VPS8: variants seen among roughly 807,000 people sequenced by gnomAD.
The protein encoded by VPS8 is VPS8 subunit of CORVET complex.
A neutral mutation model predicts 216.4 loss-of-function variants in VPS8; 129 were observed. The ratio of observed to expected loss-of-function variants is 0.60; its 90% confidence interval spans 0.52 to 0.69. The LOEUF (loss-of-function observed/expected upper bound fraction) is 0.69. Ranked by LOEUF, VPS8 falls within the 30% of genes least tolerant of loss-of-function variation. The probability of loss-of-function intolerance (pLI) is 0.00; values close to 1 mark genes in which losing one functional copy is unlikely to be tolerated. For synonymous variants in VPS8, 571 were observed against 565.4 expected (o/e 1.01, Z -0.14); for missense variants, 1,531 against 1,683.5 (o/e 0.91, Z 1.59).
intron 2 of VPS8, 152 bp downstream of exon 2, chr3:184,824,937 A>C: frequency 4.3e-6 from 3 of 696,200 alleles, no homozygotes; most frequent in East Asian, 2.9e-5. Context: ...ACAGGGTCTC[A>C]CTCTGTTGTC....
At chr3:185,047,266 A>G (rs532615800) in intron 46 of VPS8, among the ~76,000 whole-genome samples, 2 of 152,360 alleles carry the variant, frequency 1.3e-5, no homozygotes, top group East Asian at 3.9e-4. Flanking sequence ...GAACTTGCAG[A>G]GTCCCGTGCA....
intron 5 of VPS8, among the ~76,000 whole-genome samples, chr3:184,837,338 A>G (rs1721289498): frequency 1.3e-5 from 2 of 152,232 alleles, no homozygotes; most frequent in Admixed American, 1.3e-4. Flanking sequence ...TTAATGAAGA[A>G]AAAACAATTG....
chr3:185,027,189 G>T (rs1012931101), intron 46 of VPS8, among the ~76,000 whole-genome samples: 1 of 151,024 alleles, frequency 6.6e-6, no homozygotes, highest in Non-Finnish European at 1.5e-5. Flanking sequence ...CCAAGGAAAG[G>T]CCCTATTTTG....
intron 47 of VPS8, among the ~76,000 whole-genome samples, chr3:185,049,287 G>A (rs561620208): frequency 6.6e-6 from 1 of 152,294 alleles, no homozygotes; most frequent in South Asian, 2.1e-4. Context: ...CAGACCGGGT[G>A]TCCCCCAGGC....
intron 47 of VPS8, among the ~76,000 whole-genome samples, chr3:185,051,435 A>G (rs1373110257): frequency 6.6e-6 from 1 of 152,004 alleles, no homozygotes; most frequent in Non-Finnish European, 1.5e-5. Context: ...ATAATTAGTC[A>G]TTCACCCCGA....
chr3:184,952,591 A>G (rs1744905249), intron 36 of VPS8, among the ~76,000 whole-genome samples: 1 of 152,214 alleles, frequency 6.6e-6, no homozygotes, highest in African/African-American at 2.4e-5. Flanking sequence ...GTAGCTAAGT[A>G]TATATATTCA....
At chr3:185,023,783 C>G (rs1756979954) in intron 45 of VPS8, among the ~76,000 whole-genome samples, 1 of 152,162 alleles carries the variant, frequency 6.6e-6, no homozygotes, top group Non-Finnish European at 1.5e-5. Flanking sequence ...AGCATGTAGT[C>G]AGGTCTTTTT....
intron 36 of VPS8, among the ~76,000 whole-genome samples, chr3:184,942,020 A>G (rs1742792911): frequency 6.6e-6 from 1 of 152,086 alleles, no homozygotes; most frequent in Admixed American, 6.5e-5. Context: ...TATGTCTTAT[A>G]TAGGAGGTAG....
intron 1 of VPS8, among the ~76,000 whole-genome samples, chr3:184,821,835 A>G (rs1232938570): frequency 6.6e-6 from 1 of 152,108 alleles, no homozygotes; most frequent in Non-Finnish European, 1.5e-5. Flanking sequence ...GCTCAGCCAC[A>G]TTATTCATTG....
chr3:184,946,556 C>A (rs1012254353), intron 36 of VPS8, among the ~76,000 whole-genome samples: 7 of 152,202 alleles, frequency 4.6e-5, no homozygotes, highest in African/African-American at 1.4e-4. Flanking sequence ...AAAGCTCTTT[C>A]AGTTCCCATT....
intron 22 of VPS8, among the ~76,000 whole-genome samples, chr3:184,893,644 T>C (rs79161453): frequency 0.027 from 4,065 of 152,328 alleles, 190 homozygotes; most frequent in African/African-American, 0.093. Context: ...GTGATGCTTT[T>C]TGAAGATAAT....
intron 46 of VPS8, among the ~76,000 whole-genome samples, chr3:185,030,539 G>A (rs139677746): frequency 4.9e-4 from 74 of 152,282 alleles, no homozygotes; most frequent in African/African-American, 1.3e-3. Context: ...ATGAGAGAGT[G>A]GAAAGCCTTT....
chr3:184,839,879 A>G (rs1721799495), intron 7 of VPS8, 127 bp downstream of exon 7: 1 of 1,430,838 alleles, frequency 7.0e-7, no homozygotes, highest in Admixed American at 3.0e-5. Flanking sequence ...CTTGAAAAGT[A>G]GCAGTCAGTA....
chr3:184,859,101 G>T (rs910918810), intron 14 of VPS8, among the ~76,000 whole-genome samples: 10 of 152,114 alleles, frequency 6.6e-5, no homozygotes, highest in Non-Finnish European at 1.2e-4. Context: ...AATGTCTGTG[G>T]TGTTGGCTGT....
rs779463532 is a variant in VPS8, at chr3:184,940,269, A to ATT, written c.3035+27_3035+28dup. Reference sequence around the variant, plus strand: ...GTATGTTGACAAACTTTAGTCTTTCATTATATATATATATATATATGAGAA... The same window carrying ATT: ...GTATGTTGACAAACTTTAGTCTTTCATTTTATATATATATATATATATGAGAA... On this transcript the variant is annotated intron_variant, in intron 36 of 47. Coordinates refer to ENST00000625842, the MANE Select transcript of VPS8 (RefSeq NM_001009921.3). The ATT allele has an allele frequency of 1.6e-4, 100 of 633,916 alleles. 1 individual carries two copies. The African/African-American group carries it at 2.1e-3, about 14-fold the overall frequency. The allele number at this position is 633,916 out of a possible 1,614,324, so 39.3% of individuals were successfully genotyped here. A position where few individuals can be genotyped will look rare whatever the true frequency, so the allele number is the denominator to read the frequency against.
chr3:184,965,450 G>A (rs1747242230), intron 38 of VPS8, among the ~76,000 whole-genome samples: 1 of 152,148 alleles, frequency 6.6e-6, no homozygotes, highest in Admixed American at 6.5e-5. Context: ...GGAGATCTCT[G>A]TGGGGCATGA....
intron 30 of VPS8, among the ~76,000 whole-genome samples, chr3:184,925,812 C>A (rs894289907): frequency 7.1e-6 from 1 of 141,226 alleles, no homozygotes; most frequent in African/African-American, 2.7e-5. Context: ...CTGGCTCTGT[C>A]GCCTAGGCTG....
chr3:184,880,788 T>A (rs1442246648), intron 21 of VPS8, among the ~76,000 whole-genome samples: 2 of 152,194 alleles, frequency 1.3e-5, no homozygotes, highest in Non-Finnish European at 2.9e-5. Flanking sequence ...CCTAGCAGTG[T>A]GTAAGTGATC....
At chr3:184,891,360 A>T (rs1732308267) in intron 22 of VPS8, among the ~76,000 whole-genome samples, 1 of 152,208 alleles carries the variant, frequency 6.6e-6, no homozygotes, top group African/African-American at 2.4e-5. Flanking sequence ...GATCTTAATT[A>T]TCAAGACTTG....
Sources: gnomAD v4.1 joint callset for allele counts (sites outside exome capture counted in the v4.1 genomes callset) on GRCh38, gnomAD v4.1.1 for gene constraint, MANE v1.5 for transcripts, NCBI Gene and HGNC (gene_info 2026-07-23, HGNC 2026-07-21) for gene names.